ERC2: variants seen among roughly 807,000 people sequenced by gnomAD.
ERC2 encodes the protein ERC protein 2.
Under a neutral mutation model 114.8 loss-of-function variants are expected in ERC2, and 42 were observed. That is an observed-to-expected ratio of 0.37 (90% CI 0.29 to 0.47). ERC2 has a LOEUF of 0.47. ERC2 is among the 20% of genes least tolerant of loss of function. ERC2 has a pLI of 0.99. For missense variants in ERC2, 939 were observed against 1,150.7 expected (o/e 0.82, Z 2.66); for synonymous variants, 454 against 425.5 (o/e 1.07, Z -0.82).
At chr3:56,238,255 C>T (rs1263755506) in intron 3 of ERC2, among the ~76,000 whole-genome samples, 1 of 152,204 alleles carries the variant, frequency 6.6e-6, no homozygotes. Context: ...TGAACCACAG[C>T]CTCTGTCCTT....
chr3:55,575,266 C>T (rs908574891), intron 17 of ERC2, among the ~76,000 whole-genome samples: 1 of 152,144 alleles, frequency 6.6e-6, no homozygotes, highest in Non-Finnish European at 1.5e-5. Context: ...GATCTGCTCA[C>T]CCTGCACTCC....
intron 3 of ERC2, among the ~76,000 whole-genome samples, chr3:56,199,381 AG>A (rs1388861522): frequency 6.6e-6 from 1 of 152,122 alleles, no homozygotes; most frequent in Non-Finnish European, 1.5e-5. Flanking sequence ...AAAAACTGAC[AG>A]GTAAGTGTTC....
At chr3:56,160,480 A>G (rs1464787385) in intron 4 of ERC2, among the ~76,000 whole-genome samples, 2 of 152,096 alleles carry the variant, frequency 1.3e-5, no homozygotes, top group African/African-American at 4.8e-5. Flanking sequence ...CTGTAGTTTA[A>G]TTAGGTCCCA....
intron 10 of ERC2, among the ~76,000 whole-genome samples, chr3:56,001,967 G>A (rs566597781): frequency 1.3e-5 from 2 of 152,140 alleles, no homozygotes; most frequent in Non-Finnish European, 1.5e-5. Context: ...ACTGTCCTGA[G>A]CCTGCTTATT....
intron 17 of ERC2, among the ~76,000 whole-genome samples, chr3:55,630,313 G>A (rs542835867): frequency 1.4e-3 from 209 of 152,248 alleles, no homozygotes; most frequent in African/African-American, 4.7e-3. Flanking sequence ...GGAATTACAG[G>A]CGTGCACCAC....
intron 2 of ERC2, among the ~76,000 whole-genome samples, chr3:56,385,323 A>G (rs1044463137): frequency 4.6e-5 from 7 of 152,102 alleles, no homozygotes; most frequent in Non-Finnish European, 1.0e-4. Flanking sequence ...TGCCTCTTCT[A>G]TAGGGGCACT....
chr3:55,850,579 A>G (rs570437725), intron 14 of ERC2, among the ~76,000 whole-genome samples: 2 of 152,210 alleles, frequency 1.3e-5, no homozygotes, highest in African/African-American at 4.8e-5. Context: ...AGATGCATTT[A>G]CCAGAATCAA....
At chr3:56,413,496 A>C (rs541359124) in intron 2 of ERC2, among the ~76,000 whole-genome samples, 1 of 152,250 alleles carries the variant, frequency 6.6e-6, no homozygotes, top group East Asian at 1.9e-4. Flanking sequence ...AAATCCCTGC[A>C]TGGAAGGACA....
At chr3:55,780,772 G>T (rs1159931768) in intron 14 of ERC2, among the ~76,000 whole-genome samples, 1 of 152,184 alleles carries the variant, frequency 6.6e-6, no homozygotes, top group African/African-American at 2.4e-5. Context: ...AAGTTGGTAG[G>T]TGGCAAATCC....
chr3:55,574,420 C>T (rs1375319158), intron 17 of ERC2, among the ~76,000 whole-genome samples: 1 of 152,098 alleles, frequency 6.6e-6, no homozygotes, highest in Non-Finnish European at 1.5e-5. Flanking sequence ...ACAGAATGGA[C>T]CTTCCTAGGA....
intron 17 of ERC2, among the ~76,000 whole-genome samples, chr3:55,654,155 T>A (rs1045184631): frequency 2.0e-5 from 3 of 152,200 alleles, no homozygotes; most frequent in Non-Finnish European, 2.9e-5. Flanking sequence ...AGGTCTCAGC[T>A]CCTCAGCTAA....
intron 10 of ERC2, among the ~76,000 whole-genome samples, chr3:56,006,103 G>A (rs1036602091): frequency 4.6e-5 from 7 of 152,016 alleles, no homozygotes; most frequent in East Asian, 3.9e-4. Context: ...GGATTTGATC[G>A]GTGTATTTAT....
chr3:55,941,250 A>T (rs997559677), intron 13 of ERC2, among the ~76,000 whole-genome samples: 23 of 152,138 alleles, frequency 1.5e-4, no homozygotes, highest in African/African-American at 5.6e-4. Flanking sequence ...GTGTCAATGA[A>T]GAGGGTGCAA....
chr3:55,796,815 C>T (rs2070542319), intron 14 of ERC2, among the ~76,000 whole-genome samples: 2 of 152,204 alleles, frequency 1.3e-5, no homozygotes, highest in Admixed American at 1.3e-4. Context: ...ACACTACTCG[C>T]AAGCCTAATA....
intron 17 of ERC2, among the ~76,000 whole-genome samples, chr3:55,680,396 C>T (rs1230932155): frequency 1.3e-5 from 2 of 152,164 alleles, no homozygotes; most frequent in African/African-American, 4.8e-5. Context: ...TCCTCCATTG[C>T]CTACCTCATT....
chr3:56,364,907 G>T (rs2059093781), intron 2 of ERC2, among the ~76,000 whole-genome samples: 1 of 152,190 alleles, frequency 6.6e-6, no homozygotes, highest in African/African-American at 2.4e-5. Context: ...GTGGCCCAAA[G>T]AGCTTAATGA....
At chr3:55,959,704 C>A (rs1463287133) in intron 12 of ERC2, among the ~76,000 whole-genome samples, 10 of 152,334 alleles carry the variant, frequency 6.6e-5, no homozygotes, top group Non-Finnish European at 1.0e-4. Flanking sequence ...CCATCTAGGT[C>A]TGGTGAGCCA....
At position 55,699,459 on chromosome 3, in the gene ERC2, A is replaced by T; in HGVS notation, c.2766T>A (p.His922Gln). The change falls in exon 16 of 18, where the codon CAT (histidine) becomes CAA (glutamine). Residue 922 changes from histidine to glutamine, a missense_variant. Physicochemically the swap from His to Gln is conservative, Grantham distance 24. This residue lies in a region of ERC2 where 328 missense variants were observed against 353.9 expected (regional missense o/e 0.93). Transcript: ENST00000288221. ...MADNYDDDHHHYHHHHHHHHH... is the reference protein window; with the variant it reads ...MADNYDDDHHQYHHHHHHHHH... ...GGTGGTGATGGTGGTGGTGGTGGTA[A>T]TGGTGATGGTCATCATCATAGTTGT... is the stretch of plus-strand genomic sequence containing the variant. 6.2e-7 allele frequency: 1 copy of T among 1,613,450 alleles called. No individual in the cohort carries two copies. Among genetic ancestry groups the T allele is most frequent in the Non-Finnish European group, 8.5e-7 (1 of 1,179,678 alleles).
chr3:55,809,913 GT>G (rs2059650069), intron 14 of ERC2, among the ~76,000 whole-genome samples: 1 of 152,206 alleles, frequency 6.6e-6, no homozygotes, highest in South Asian at 2.1e-4. Flanking sequence ...GAGGAAAACA[GT>G]TTTGTTAGTT....
Sources: gnomAD v4.1 joint callset for allele counts (sites outside exome capture counted in the v4.1 genomes callset) on GRCh38, gnomAD v4.1.1 for gene constraint, gnomAD v4.1.1 regional missense constraint, MANE v1.5 for transcripts, NCBI Gene and HGNC (gene_info 2026-07-23, HGNC 2026-07-21) for gene names.